Variants in SYN1 observed in about 807,000 individuals in gnomAD.
SYN1 encodes synapsin I.
In SYN1, 8 loss-of-function variants were observed where a neutral mutation model predicts 44.6. The ratio of observed to expected loss-of-function variants is 0.18; its 90% CI spans 0.11 to 0.32. The LOEUF is 0.32. SYN1 is among the 10% of genes least tolerant of loss of function. The pLI, the probability that SYN1 is intolerant of heterozygous loss-of-function variation, is 1.00. For missense variants in SYN1, 451 were observed against 639.4 expected, an observed-to-expected ratio of 0.71 and a Z score of 3.18; for synonymous variants, 275 against 280.1, an observed-to-expected ratio of 0.98 and a Z score of 0.18.
At chrX:47,598,914 A>G (rs187477610) in intron 5 of SYN1, among the ~76,000 whole-genome samples, 1 of 111,312 alleles carries the variant, frequency 9.0e-6, no homozygotes, top group East Asian at 2.8e-4. Flanking sequence ...CCAGCTATTC[A>G]GGAGGCTGAG....
chrX:47,589,074 G>T (rs1432083177), intron 5 of SYN1, among the ~76,000 whole-genome samples: 1 of 110,570 alleles, frequency 9.0e-6, no homozygotes, highest in Non-Finnish European at 1.9e-5. Flanking sequence ...GGCCAAGGTG[G>T]GCAGATCACG....
chrX:47,600,771 C>T (rs186382209), intron 5 of SYN1, among the ~76,000 whole-genome samples: 89 of 111,874 alleles, frequency 8.0e-4, no homozygotes, highest in Non-Finnish European at 1.3e-3. Flanking sequence ...AAGTAACACA[C>T]TCCTAAATAA....
intron 5 of SYN1, among the ~76,000 whole-genome samples, chrX:47,600,763 G>A (rs1008993330): frequency 8.9e-6 from 1 of 111,865 alleles, no homozygotes; most frequent in Non-Finnish European, 1.9e-5. Context: ...TATGTGGAAA[G>A]TAACACACTC....
intron 5 of SYN1, among the ~76,000 whole-genome samples, 161 bp from the exon 6 acceptor site, chrX:47,577,662 G>C (rs2057782237): frequency 9.0e-6 from 1 of 110,507 alleles, no homozygotes; most frequent in African/African-American, 3.3e-5. Context: ...GGGTCACACA[G>C]TGTCTCCACC....
At chrX:47,581,211 AATGAG>A (rs1212857543) in intron 5 of SYN1, among the ~76,000 whole-genome samples, 1 of 112,411 alleles carries the variant, frequency 8.9e-6, no homozygotes, top group Non-Finnish European at 1.9e-5. Context: ...ATGGTGAGTG[AATGAG>A]ATAATTTATA....
At chrX:47,586,024 C>A (rs922132254) in intron 5 of SYN1, 1 of 987,643 alleles carries the variant, frequency 1.0e-6, no homozygotes, top group African/African-American at 2.0e-5. Flanking sequence ...CCTAATCCCA[C>A]TGACCCTTCC....
At chrX:47,581,182 A>G (rs1225056483) in intron 5 of SYN1, among the ~76,000 whole-genome samples, 1 of 112,119 alleles carries the variant, frequency 8.9e-6, no homozygotes, top group Non-Finnish European at 1.9e-5. Context: ...AGTTAATCAA[A>G]CTTAATTAGC....
Position 47,576,375 on chromosome X carries a change from T to G in SYN1, c.1012A>C (p.Asn338His). The G allele has an allele frequency of 8.3e-7, 1 of 1,211,846 alleles. No individual in the cohort carries two copies. The highest frequency in any genetic ancestry group is 1.8e-5 in the South Asian group (1 of 56,990). ...TGCTCCAGCATCGCAGAGCCAGTAT[T>G]GGTCTTCCAGTTCCCTGACACTGAC... ...RTSVSGNWKT[N>H]TGSAMLEQIA... Residue 338 changes from asparagine to histidine, a missense_variant, in exon 8 of 13, where the codon AAT (asparagine) becomes CAT (histidine). Around this residue, in one of 3 missense-constraint regions of SYN1, gnomAD observed 315 missense variants for 451.4 expected, o/e 0.70. Transcript: ENST00000295987.
In SYN1 at chrX:47,572,893, TC is replaced by T; in HGVS notation, c.2088del (p.Lys697SerfsTer14). ...TCGGAGAAGAGGCTGGCGAAAGACT[TC>T]CTCAGGCTGCGGATGGTCTCAGCTT... ...EVKAETIRSLRKSFASLFSD is the reference protein window; with the variant it reads ...EVKAETIRSLXKSFASLFSD On this transcript the variant is annotated frameshift_variant, in exon 13 of 13. Transcript: ENST00000295987. LOFTEE classifies it high-confidence loss of function. 8.3e-7 allele frequency: 1 copy of T among 1,211,674 alleles called. No homozygotes were observed. Among genetic ancestry groups the T allele is most frequent in the Non-Finnish European group, 1.1e-6 (1 of 895,467 alleles).
Position 47,594,729 on chromosome X carries a change from C to CTT in SYN1, c.774+10247_774+10248dup, listed in dbSNP as rs369921621. On this transcript the variant is annotated intron_variant, in intron 5 of 12. Transcript: ENST00000295987. ...CACATTTCTTTCTTTCTTTTCTTTTCTTTTTTTTTTTTTTTGAGACAGAGT... is the reference window on the plus strand; with the variant it reads ...CACATTTCTTTCTTTCTTTTCTTTTCTTTTTTTTTTTTTTTTTGAGACAGAGT... Among the ~76,000 whole-genome samples the CTT allele has an allele frequency of 2.6e-3, 246 of 93,961 alleles. 1 individual carries two copies. The highest frequency in any genetic ancestry group is 4.0e-3 in the Non-Finnish European group (186 of 46,945). 81.6% of individuals were successfully genotyped at this position (93,961 alleles called of 115,157 possible).
At chrX:47,583,434 C>T (rs746324920) in intron 5 of SYN1, 16 of 1,204,930 alleles carry the variant, frequency 1.3e-5, no homozygotes, top group African/African-American at 5.3e-5. Context: ...CTTTGAGCCC[C>T]TGGCTTCTGG....
intron 5 of SYN1, among the ~76,000 whole-genome samples, chrX:47,601,477 C>A (rs1369796707): frequency 8.9e-6 from 1 of 112,008 alleles, no homozygotes; most frequent in Non-Finnish European, 1.9e-5. Flanking sequence ...TTAATACCGA[C>A]CAGGCATGGT....
At chrX:47,583,348 C>T in intron 5 of SYN1, 1 of 1,126,664 alleles carries the variant, frequency 8.9e-7, no homozygotes, top group Non-Finnish European at 1.2e-6. Flanking sequence ...GGGTGGATGA[C>T]CTGCCCAGGT....
chrX:47,619,850 C>G lies in SYN1; in HGVS notation c.-122G>C. On this transcript the variant is annotated 5_prime_UTR_variant, in exon 1 of 13. Coordinates refer to ENST00000295987, the MANE Select transcript of SYN1 (RefSeq NM_006950.3). ...ACGACACGACTCCTCCGCTGCCCACCGCAGACTGAGGCAGCGCTGAGTCGC... is the reference window on the plus strand; with the variant it reads ...ACGACACGACTCCTCCGCTGCCCACGGCAGACTGAGGCAGCGCTGAGTCGC... 2 of 782,993 alleles carry G rather than the reference C, an allele frequency of 2.6e-6. No individual in the cohort carries two copies. The highest frequency in any genetic ancestry group is 3.5e-6 in the Non-Finnish European group (2 of 565,880). The allele number at this position is 782,993 out of a possible 1,213,427, so 64.5% of individuals were successfully genotyped here.
chrX:47,589,365 G>A lies in SYN1; in HGVS notation c.775-11864C>T, dbSNP rs779499849. ...TCCCAGCAATTTGGGAGGCCAAGGT[G>A]GGCAGATCACGAGGTCAGGAGATCG... is the stretch of plus-strand genomic sequence containing the variant. On this transcript the variant is annotated intron_variant, in intron 5 of 12. Coordinates refer to ENST00000295987, the MANE Select transcript of SYN1 (RefSeq NM_006950.3). Among the ~76,000 whole-genome samples, 18 of 108,029 alleles carry A rather than the reference G, an allele frequency of 1.7e-4. No individual in the cohort carries two copies. The East Asian group carries it at 4.6e-3, about 28-fold the overall frequency. The allele number at this position is 108,029 out of a possible 115,157, so 93.8% of individuals were successfully genotyped here. A position where few individuals can be genotyped will look rare whatever the true frequency, so the allele number is the denominator to read the frequency against.
At chrX:47,604,541 G>A (rs2057890502) in intron 5 of SYN1, among the ~76,000 whole-genome samples, 1 of 111,724 alleles carries the variant, frequency 9.0e-6, no homozygotes, top group African/African-American at 3.3e-5. Flanking sequence ...ATGAGCCACC[G>A]TGCCTTGCCA....
chrX:47,582,511 G>A, intron 5 of SYN1: 2 of 331,149 alleles, frequency 6.0e-6, no homozygotes, highest in South Asian at 5.4e-5. Context: ...AGGGACCGGA[G>A]CTGGGCTGCA....
In SYN1 at chrX:47,619,503, A is replaced by C; in HGVS notation, c.226T>G (p.Phe76Val). 8.3e-7 allele frequency: 1 copy of C among 1,198,349 alleles called. No homozygotes were observed. Among genetic ancestry groups the C allele is most frequent in the Non-Finnish European group, 1.1e-6 (1 of 892,539 alleles). The change falls in exon 1 of 13, where the codon TTC becomes GTC. Residue 76 changes from phenylalanine (F) to valine (V), a missense_variant. Phe to Val is a conservative substitution (Grantham distance 50). Transcript: ENST00000295987. ...ACCGCGTTGGACAGCGACGAGAAGA[A>C]GCCACCGCCCCCCGAGGACCCGGGG... ...PSPGSSGGGG[F>V]FSSLSNAVKQ... is the part of the protein sequence containing the mutation.
At chrX:47,616,036 C>A (rs187834364) in intron 1 of SYN1, among the ~76,000 whole-genome samples, 62 of 111,843 alleles carry the variant, frequency 5.5e-4, no homozygotes, top group African/African-American at 1.9e-3. Flanking sequence ...GTGGAAAAGG[C>A]GTCAGACTGT....
Sources: allele counts gnomAD v4.1 joint callset (sites outside exome capture counted in the v4.1 genomes callset), GRCh38; gene constraint gnomAD v4.1.1; regional missense constraint gnomAD v4.1.1; transcripts MANE v1.5; gene names NCBI Gene and HGNC (gene_info 2026-07-23, HGNC 2026-07-21).